Variants in TBC1D22A observed in about 807,000 individuals in gnomAD.
TBC1D22A encodes putative GTPase activator.
TBC1D22A carries 38 observed loss-of-function variants against 60.2 expected under a neutral mutation model. The observed-to-expected ratio is 0.63, with a 90% confidence interval of 0.49 to 0.83. The LOEUF (loss-of-function observed/expected upper bound fraction) is 0.83, where lower values mean the gene tolerates loss of function less well. Among genes scored for constraint, TBC1D22A ranks in the 40% least tolerant of loss-of-function variants. The pLI, the probability that TBC1D22A is intolerant of heterozygous loss-of-function variation, is 0.00. For missense variants in TBC1D22A, 628 were observed against 701.0 expected, an observed-to-expected ratio of 0.90 and a Z score of 1.18; for synonymous variants, 302 against 281.7, an observed-to-expected ratio of 1.07 and a Z score of -0.72.
At chr22:46,797,243 T>G (rs2084693360) in intron 3 of TBC1D22A, among the ~76,000 whole-genome samples, 1 of 152,192 alleles carries the variant, frequency 6.6e-6, no homozygotes, top group African/African-American at 2.4e-5. Context: ...ATTTTGTTGG[T>G]GAATAATACT....
chr22:47,105,491 G>T (rs2065599438), intron 11 of TBC1D22A, among the ~76,000 whole-genome samples: 1 of 152,188 alleles, frequency 6.6e-6, no homozygotes, highest in Admixed American at 6.5e-5. Flanking sequence ...CCACTGGCAG[G>T]AGTCAAAACC....
chr22:47,026,953 A>T (rs772274673), intron 10 of TBC1D22A, among the ~76,000 whole-genome samples: 4 of 152,236 alleles, frequency 2.6e-5, no homozygotes, highest in Non-Finnish European at 5.9e-5. Context: ...AGATGAACAA[A>T]GTTGAAGGAC....
chr22:46,825,130 A>G (rs540195900), intron 4 of TBC1D22A, among the ~76,000 whole-genome samples: 114 of 152,316 alleles, frequency 7.5e-4, no homozygotes, highest in African/African-American at 2.7e-3. Flanking sequence ...TTGCGTGTGC[A>G]GCAGGCGTCA....
intron 9 of TBC1D22A, 24 bp from the exon 10 acceptor site, chr22:46,997,610 T>G: frequency 6.3e-7 from 1 of 1,598,902 alleles, no homozygotes; most frequent in Non-Finnish European, 8.6e-7. Context: ...ATGCATATGA[T>G]TCACATTATT....
chr22:47,036,576 G>C (rs899444588), intron 10 of TBC1D22A, among the ~76,000 whole-genome samples: 3 of 152,210 alleles, frequency 2.0e-5, no homozygotes, highest in African/African-American at 7.2e-5. Context: ...TGGCCTGCAG[G>C]CCTTGTGTCC....
chr22:46,808,138 A>G (rs1247518766), intron 4 of TBC1D22A, among the ~76,000 whole-genome samples: 3 of 152,162 alleles, frequency 2.0e-5, no homozygotes, highest in East Asian at 3.9e-4. Context: ...CGGGTGGATC[A>G]CCTGAGGTCA....
intron 4 of TBC1D22A, among the ~76,000 whole-genome samples, chr22:46,812,679 C>A (rs988253828): frequency 6.6e-6 from 1 of 152,114 alleles, no homozygotes; most frequent in African/African-American, 2.4e-5. Context: ...CTGTGTTTAG[C>A]GAAAATGGAT....
At chr22:47,109,578 C>T (rs2147713166) in intron 11 of TBC1D22A, among the ~76,000 whole-genome samples, 1 of 152,298 alleles carries the variant, frequency 6.6e-6, no homozygotes, top group East Asian at 1.9e-4. Context: ...ACATCTCCAC[C>T]AGGATCCCCA....
intron 8 of TBC1D22A, among the ~76,000 whole-genome samples, chr22:46,926,706 T>G (rs1184446700): frequency 6.6e-6 from 1 of 152,196 alleles, no homozygotes; most frequent in African/African-American, 2.4e-5. Flanking sequence ...GAGTGAAGTT[T>G]CTTGAAGAAG....
chr22:47,124,969 G>A (rs1381935141), intron 12 of TBC1D22A, among the ~76,000 whole-genome samples: 1 of 152,122 alleles, frequency 6.6e-6, no homozygotes, highest in East Asian at 1.9e-4. Context: ...AGGAGCGTGG[G>A]TGGGACAAGC....
At chr22:46,947,211 G>A (rs1375108848) in intron 8 of TBC1D22A, among the ~76,000 whole-genome samples, 2 of 152,216 alleles carry the variant, frequency 1.3e-5, no homozygotes, top group African/African-American at 4.8e-5. Context: ...TCAGCTGATG[G>A]ACCCTAAATC....
intron 1 of TBC1D22A, among the ~76,000 whole-genome samples, chr22:46,771,937 T>C (rs2083492680): frequency 6.6e-6 from 1 of 152,038 alleles, no homozygotes; most frequent in African/African-American, 2.4e-5. Context: ...TGTTTGGTTT[T>C]CCATTCCTGA....
intron 8 of TBC1D22A, among the ~76,000 whole-genome samples, chr22:46,960,971 A>AG: frequency 1.3e-5 from 2 of 149,598 alleles, no homozygotes; most frequent in African/African-American, 5.0e-5. Flanking sequence ...AAAAAAAAAA[A>AG]AAAAAAGATA....
chr22:46,919,746 G>A (rs200120867), intron 8 of TBC1D22A, among the ~76,000 whole-genome samples: 2 of 57,366 alleles, frequency 3.5e-5, no homozygotes, highest in African/African-American at 1.2e-4. Flanking sequence ...TTTTTTTTTT[G>A]TAGACTTTAC....
intron 11 of TBC1D22A, among the ~76,000 whole-genome samples, chr22:47,065,615 G>T (rs2063730538): frequency 6.6e-6 from 1 of 152,246 alleles, no homozygotes. Context: ...GGGTCTCCAC[G>T]AGGACTTAGC....
intron 4 of TBC1D22A, among the ~76,000 whole-genome samples, chr22:46,855,886 A>G (rs542283406): frequency 1.3e-5 from 2 of 152,274 alleles, no homozygotes; most frequent in East Asian, 3.9e-4. Context: ...TTGCATACTT[A>G]TCTAAAATTA....
At chr22:47,172,036 TACCCAGCACTCCCAGTGA>T (rs1569482598) in intron 12 of TBC1D22A, among the ~76,000 whole-genome samples, 3,683 of 102,646 alleles carry the variant, frequency 0.036, 114 homozygotes, top group African/African-American at 0.071. Context: ...CCAGTGAGCC[TACCCAGCACTCCCAGTGA>T]GCCTACCCAG....
At chr22:47,118,909 T>C (rs140698306) in intron 12 of TBC1D22A, among the ~76,000 whole-genome samples, 3,138 of 152,298 alleles carry the variant, frequency 0.021, 119 homozygotes, top group African/African-American at 0.072. Context: ...CCCAGCACTT[T>C]GGAAGGCCGA....
In TBC1D22A at chr22:46,880,129, C is replaced by T. The variant is rs185454511; in HGVS notation, c.708+1406C>T. Among the ~76,000 whole-genome samples the T allele has an allele frequency of 1.1e-3, 168 of 152,326 alleles. 1 individual carries two copies. The highest frequency in any genetic ancestry group is 3.7e-3 in the African/African-American group (155 of 41,574). On this transcript the variant is annotated intron_variant, in intron 5 of 12. Coordinates refer to ENST00000337137, the MANE Select transcript of TBC1D22A (RefSeq NM_014346.5). ...GCCAAGGTTGAGGGCGCACTGGCGA[C>T]GCAGCCTTAGGAGATCCTGACGACA...
Sources: allele counts gnomAD v4.1 joint callset (sites outside exome capture counted in the v4.1 genomes callset), GRCh38; gene constraint gnomAD v4.1.1; transcripts MANE v1.5; gene names NCBI Gene and HGNC (gene_info 2026-07-23, HGNC 2026-07-21).